The following FAM178B variants were observed in gnomAD, a reference collection of about 807,000 sequenced individuals.
FAM178B encodes family with sequence similarity 178 member B.
A neutral mutation model predicts 91.7 loss-of-function variants in FAM178B; 82 were observed. That is an observed-to-expected ratio of 0.89 (90% CI 0.75 to 1.07). The LOEUF (loss-of-function observed/expected upper bound fraction) is 1.07, where lower values mean the gene tolerates loss of function less well. FAM178B is among the 50% of genes least tolerant of loss of function. FAM178B has a pLI of 0.00. For synonymous variants in FAM178B, 368 were observed against 359.4 expected (o/e 1.02, Z -0.27); for missense variants, 769 against 846.7 (o/e 0.91, Z 1.14).
intron 12 of FAM178B, among the ~76,000 whole-genome samples, chr2:96,915,235 G>A (rs760308240): frequency 3.3e-5 from 5 of 151,216 alleles, no homozygotes; most frequent in Non-Finnish European, 7.4e-5. Context: ...TCAGCCTCCT[G>A]AATAGCTGGG....
At chr2:96,948,299 G>A (rs2153373136) in intron 7 of FAM178B, among the ~76,000 whole-genome samples, 1 of 152,342 alleles carries the variant, frequency 6.6e-6, no homozygotes, top group Non-Finnish European at 1.5e-5. Context: ...ACTCATCACA[G>A]GCAGCAGGAC....
At chr2:96,901,924 A>C (rs1404502689) in intron 13 of FAM178B, among the ~76,000 whole-genome samples, 1 of 152,142 alleles carries the variant, frequency 6.6e-6, no homozygotes, top group East Asian at 1.9e-4. Flanking sequence ...CAACCTCCCA[A>C]GTAGCTGAGA....
chr2:96,960,465 C>T (rs2082063892), intron 5 of FAM178B, 25 bp from the exon 6 acceptor site: 1 of 1,518,706 alleles, frequency 6.6e-7, no homozygotes, highest in African/African-American at 1.4e-5. Flanking sequence ...GGCAGGAGGG[C>T]CGGGCATCAG....
chr2:96,911,555 C>T (rs1235293594), intron 12 of FAM178B, among the ~76,000 whole-genome samples: 5 of 152,174 alleles, frequency 3.3e-5, no homozygotes, highest in African/African-American at 9.7e-5. Context: ...GGGGGAAAGT[C>T]TGAAAGATTT....
intron 13 of FAM178B, chr2:96,897,887 G>T: frequency 1.1e-6 from 1 of 896,030 alleles, no homozygotes; most frequent in Non-Finnish European, 1.3e-6. Flanking sequence ...TAGCCTTGAG[G>T]CTCTGGCTAA....
intron 7 of FAM178B, among the ~76,000 whole-genome samples, chr2:96,950,761 G>T (rs1023787418): frequency 6.6e-6 from 1 of 152,216 alleles, no homozygotes; most frequent in Non-Finnish European, 1.5e-5. Context: ...AAACGCTCTA[G>T]CAGCAACCAG....
Position 96,986,369 on chromosome 2 carries a change from C to G in FAM178B, c.-56G>C. ...GGAGGGTGGCGGGAATTCGCACGGC[C>G]TCAGAGGACGGGGCCAGCTAGCCGG... On this transcript the variant is annotated 5_prime_UTR_variant, in exon 1 of 17. Transcript: ENST00000490605. 1 of 1,520,180 alleles carries G rather than the reference C, an allele frequency of 6.6e-7. No homozygotes were observed. The highest frequency in any genetic ancestry group is 8.8e-7 in the Non-Finnish European group (1 of 1,140,268). The allele number at this position is 1,520,180 out of a possible 1,614,324, so 94.2% of individuals were successfully genotyped here. A position where few individuals can be genotyped will look rare whatever the true frequency, so the allele number is the denominator to read the frequency against.
intron 5 of FAM178B, among the ~76,000 whole-genome samples, chr2:96,961,005 T>G (rs903611747): frequency 3.3e-5 from 5 of 152,098 alleles, no homozygotes; most frequent in Non-Finnish European, 7.4e-5. Context: ...CCAGCAGTCC[T>G]CAAGCTCCAG....
At chr2:96,958,112 A>G (rs1391699742) in intron 6 of FAM178B, among the ~76,000 whole-genome samples, 1 of 135,588 alleles carries the variant, frequency 7.4e-6, no homozygotes, top group Non-Finnish European at 1.5e-5. Flanking sequence ...TCTGTCCCCT[A>G]GGCTGGAGTG....
At chr2:96,976,474 CA>C (rs935382429) in intron 1 of FAM178B, among the ~76,000 whole-genome samples, 5 of 151,858 alleles carry the variant, frequency 3.3e-5, no homozygotes, top group Non-Finnish European at 5.9e-5. Context: ...GTATAATATC[CA>C]AAAGAACTGA....
At chr2:96,881,878 C>T (rs1267984636) in intron 14 of FAM178B, among the ~76,000 whole-genome samples, 1 of 152,128 alleles carries the variant, frequency 6.6e-6, no homozygotes, top group African/African-American at 2.4e-5. Flanking sequence ...AAACCTAAAC[C>T]TGCCACTGCC....
chr2:96,878,860 C>A (rs931054905), intron 14 of FAM178B, among the ~76,000 whole-genome samples: 2 of 152,248 alleles, frequency 1.3e-5, no homozygotes, highest in Admixed American at 1.3e-4. Context: ...CCACTCTGAT[C>A]TCTGCAGTCT....
intron 12 of FAM178B, among the ~76,000 whole-genome samples, chr2:96,919,488 G>T (rs1329648155): frequency 6.6e-6 from 1 of 152,254 alleles, no homozygotes; most frequent in Admixed American, 6.5e-5. Context: ...ACGTGAGCCA[G>T]ACATGGTCCT....
At chr2:96,928,596 A>C (rs1424717803) in intron 9 of FAM178B, among the ~76,000 whole-genome samples, 5 of 152,178 alleles carry the variant, frequency 3.3e-5, no homozygotes, top group African/African-American at 1.2e-4. Flanking sequence ...AAGAGACTCA[A>C]GGGACTGGGA....
chr2:96,896,887 A>G (rs1574209754), intron 13 of FAM178B, among the ~76,000 whole-genome samples: 3 of 151,972 alleles, frequency 2.0e-5, no homozygotes, highest in Admixed American at 2.0e-4. Context: ...TATCTATCTA[A>G]ACAGAATCTT....
chr2:96,915,275 A>T (rs62152911), intron 12 of FAM178B, among the ~76,000 whole-genome samples: 1 of 150,918 alleles, frequency 6.6e-6, no homozygotes, highest in East Asian at 2.0e-4. Context: ...ATGCCCAGCT[A>T]ATTTTTTTTT....
At chr2:96,966,156 C>CT (rs1458775635) in intron 5 of FAM178B, among the ~76,000 whole-genome samples, 2 of 152,234 alleles carry the variant, frequency 1.3e-5, no homozygotes, top group East Asian at 3.9e-4. Context: ...CACCAGCCCC[C>CT]TCCTCCAGGC....
At chr2:96,956,699 A>T (rs1196605229) in intron 6 of FAM178B, 1 of 152,218 alleles carries the variant, frequency 6.6e-6, no homozygotes, top group African/African-American at 2.4e-5. Flanking sequence ...ATGAAAACCT[A>T]GCTGTCAGCT....
chr2:96,893,877 T>C (rs1379235183), intron 14 of FAM178B, 49 bp downstream of exon 14: 1 of 1,588,458 alleles, frequency 6.3e-7, no homozygotes, highest in East Asian at 2.3e-5. Flanking sequence ...CTGCTACCTG[T>C]GGTGGTGGCA....
Sources: allele counts gnomAD v4.1 joint callset (sites outside exome capture counted in the v4.1 genomes callset), GRCh38; gene constraint gnomAD v4.1.1; transcripts MANE v1.5; gene names NCBI Gene and HGNC (gene_info 2026-07-23, HGNC 2026-07-21).